The following RBM28 variants were observed in gnomAD, a reference collection of about 807,000 sequenced individuals.
RBM28 encodes RNA-binding protein 28.
Under a neutral mutation model 98.3 loss-of-function variants are expected in RBM28, and 78 were observed. That is an observed-to-expected ratio of 0.79 (90% confidence interval 0.66 to 0.96). The LOEUF is 0.96. RBM28 is among the 40% of genes least tolerant of loss of function. RBM28 has a pLI of 0.00. For synonymous variants in RBM28, 306 were observed against 330.9 expected (o/e 0.92, Z 0.82); for missense variants, 838 against 913.0 (o/e 0.92, Z 1.06).
intron 8 of RBM28, among the ~76,000 whole-genome samples, 176 bp downstream of exon 8, chr7:128,335,366 CA>C (rs1796573283): frequency 6.6e-6 from 1 of 152,078 alleles, no homozygotes; most frequent in African/African-American, 2.4e-5. Flanking sequence ...AAGGAAACAA[CA>C]AAAAAACCTT....
At position 128,300,736 on chromosome 7, in the gene RBM28, C is replaced by A. The variant is rs528246225; in HGVS notation, c.*10061G>T. 1 of 152,438 alleles carries A rather than the reference C, an allele frequency of 6.6e-6. No individual in the cohort carries two copies. Among genetic ancestry groups the A allele is most frequent in the South Asian group, 2.1e-4 (1 of 4,832 alleles). The allele number at this position is 152,438 out of a possible 1,614,324, so 9.4% of individuals were successfully genotyped here. A position where few individuals can be genotyped will look rare whatever the true frequency, so the allele number is the denominator to read the frequency against. ...CCATGCTGACTCCAATTGTTGGGTG[C>A]GGTTGCATGGATTGATGTCAAAAGC... is the stretch of plus-strand genomic sequence containing the variant. On this transcript the variant is annotated 3_prime_UTR_variant, in exon 19 of 19. Coordinates refer to ENST00000223073, the MANE Select transcript of RBM28 (RefSeq NM_018077.3).
chr7:128,322,632 C>T (rs1442006161), intron 13 of RBM28, among the ~76,000 whole-genome samples: 1 of 152,116 alleles, frequency 6.6e-6, no homozygotes, highest in South Asian at 2.1e-4. Context: ...GAGCTTTTTG[C>T]TAACAAAATT....
chr7:128,313,258 T>A lies in RBM28; in HGVS notation c.2062A>T (p.Lys688Ter). ...TTTTTGGGATGGACGGGCTTCACTT[T>A]GCCTTTGTCCCGCAACCTGAAATAA... is the stretch of plus-strand genomic sequence containing the variant. The part of the protein sequence containing the change: ...GPKIRLRDKG[K>*]VKPVHPKKPK... The change falls in exon 18 of 19, where the codon AAA becomes TAA. Residue 688 changes from lysine (K) to a stop codon, truncating the protein, a stop_gained. Coordinates refer to ENST00000223073, the MANE Select transcript of RBM28 (RefSeq NM_018077.3). LOFTEE classifies it high-confidence loss of function. 6.2e-7 allele frequency: 1 copy of A among 1,614,174 alleles called. No homozygotes were observed. Among genetic ancestry groups the A allele is most frequent in the South Asian group, 1.1e-5 (1 of 91,076 alleles).
intron 17 of RBM28, 103 bp downstream of exon 17, chr7:128,314,661 C>G: frequency 1.3e-6 from 2 of 1,568,198 alleles, no homozygotes; most frequent in South Asian, 1.1e-5. Flanking sequence ...CACCAAACAT[C>G]CTTTTCAACC....
rs1486408721 is a variant in RBM28 at position 128,307,517 on chromosome 7, C to T, written c.*3280G>A. 1 of 151,520 alleles carries T rather than the reference C, an allele frequency of 6.6e-6. No homozygotes were observed. Among genetic ancestry groups the T allele is most frequent in the Non-Finnish European group, 1.5e-5 (1 of 68,030 alleles). 9.4% of individuals were successfully genotyped at this position (151,520 alleles called of 1,614,324 possible). On this transcript the variant is annotated 3_prime_UTR_variant, in exon 19 of 19. Coordinates refer to ENST00000223073, the MANE Select transcript of RBM28 (RefSeq NM_018077.3). ...TATTTCGAAGAATGAATCACATGCCCTAACTTTATAATAGAGGAAGGCACA... is the reference window on the plus strand; with the variant it reads ...TATTTCGAAGAATGAATCACATGCCTTAACTTTATAATAGAGGAAGGCACA...
chr7:128,338,709 T>A lies in RBM28; in HGVS notation c.448+17A>T. 6.5e-7 allele frequency: 1 copy of A among 1,534,318 alleles called. No homozygotes were observed. The highest frequency in any genetic ancestry group is 9.0e-7 in the Non-Finnish European group (1 of 1,107,382). ...GTTAACTAACGTAATCCACACCAAG[T>A]GAAGGTTTATTAGTACCTGGTTTCC... On this transcript the variant is annotated intron_variant, in intron 4 of 18. Coordinates refer to ENST00000223073, the MANE Select transcript of RBM28 (RefSeq NM_018077.3).
chr7:128,324,131 T>C (rs2116348750), intron 12 of RBM28, among the ~76,000 whole-genome samples: 1 of 152,306 alleles, frequency 6.6e-6, no homozygotes, highest in Admixed American at 6.5e-5. Flanking sequence ...CCTAGAAGAA[T>C]TTTTTTAAAA....
Position 128,343,635 on chromosome 7 carries a change from G to C in RBM28, c.118+41C>G, listed in dbSNP as rs775631920. 3 of 1,462,028 alleles carry C rather than the reference G, an allele frequency of 2.1e-6. No individual in the cohort carries two copies. In the South Asian group the frequency reaches 3.7e-5, roughly 18 times the overall value. The allele number at this position is 1,462,028 out of a possible 1,614,324, so 90.6% of individuals were successfully genotyped here. On this transcript the variant is annotated intron_variant, in intron 1 of 18. Transcript: ENST00000223073. ...GAAGTTTGGGAAGGTGCCCTCGATCGCAGGAAACCCCAGCCCTATCCTCGA... is the reference window on the plus strand; with the variant it reads ...GAAGTTTGGGAAGGTGCCCTCGATCCCAGGAAACCCCAGCCCTATCCTCGA...
chr7:128,336,103 C>T, intron 6 of RBM28, 61 bp from the exon 7 acceptor site: 4 of 1,432,630 alleles, frequency 2.8e-6, no homozygotes, highest in African/African-American at 1.4e-5. Flanking sequence ...GTTATTTTAA[C>T]AAAAGTAACC....
Position 128,318,093 on chromosome 7 carries a change from C to T in RBM28, c.1577G>A (p.Arg526Gln). Residue 526 changes from arginine to glutamine, a missense_variant, in exon 15 of 19, where the codon CGA becomes CAA. Transcript: ENST00000223073. ...GVRIKECRVMRDLKGVHGNMK... is the reference protein window; with the variant it reads ...GVRIKECRVMQDLKGVHGNMK... ...GTTCCCATGAACTCCTTTGAGGTCT[C>T]GCATCACTCTACACTATGAGTAGAG... The T allele has an allele frequency of 2.5e-6, 4 of 1,612,516 alleles. No individual in the cohort carries two copies. Among genetic ancestry groups the T allele is most frequent in the Non-Finnish European group, 3.4e-6 (4 of 1,178,614 alleles).
intron 14 of RBM28, among the ~76,000 whole-genome samples, 158 bp downstream of exon 14, chr7:128,321,108 G>A (rs1318048303): frequency 6.6e-6 from 1 of 152,276 alleles, no homozygotes; most frequent in Admixed American, 6.5e-5. Flanking sequence ...GGAGGTTGCA[G>A]TGAGTCAAGA....
chr7:128,321,437 C>A lies in RBM28; in HGVS notation c.1405-13G>T. The A allele has an allele frequency of 6.2e-7, 1 of 1,613,970 alleles. No individual in the cohort carries two copies. Among genetic ancestry groups the A allele is most frequent in the Non-Finnish European group, 8.5e-7 (1 of 1,179,912 alleles). The stretch of plus-strand genomic sequence containing the variant: ...TCAGCAGCTCAAACTGAAAGAACAA[C>A]CAATGGTTAACAGTACAACCCACTC... On this transcript the variant is annotated splice_polypyrimidine_tract_variant and intron_variant, in intron 13 of 18. Transcript: ENST00000223073.
intron 16 of RBM28, 149 bp downstream of exon 16, chr7:128,317,510 C>G: frequency 1.5e-6 from 1 of 655,834 alleles, no homozygotes; most frequent in South Asian, 1.8e-5. Context: ...AGAAGATGGC[C>G]TGGAGAGGCT....
intron 1 of RBM28, among the ~76,000 whole-genome samples, chr7:128,341,437 C>T (rs1362492364): frequency 6.6e-6 from 1 of 152,204 alleles, no homozygotes; most frequent in African/African-American, 2.4e-5. Context: ...ATAAAGCATG[C>T]TCACATACAT....
chr7:128,309,730 G>A lies in RBM28; in HGVS notation c.*1067C>T, dbSNP rs1331721959. ...GAAAAGCCCTACTTTAGATAGTCTG[G>A]GAAGAGCTCCAGGAGGAGGCGACAA... On this transcript the variant is annotated 3_prime_UTR_variant, in exon 19 of 19. Coordinates refer to ENST00000223073, the MANE Select transcript of RBM28 (RefSeq NM_018077.3). 1 of 152,108 alleles carries A rather than the reference G, an allele frequency of 6.6e-6. No individual in the cohort carries two copies. Among genetic ancestry groups the A allele is most frequent in the Non-Finnish European group, 1.5e-5 (1 of 68,106 alleles). 9.4% of individuals were successfully genotyped at this position (152,108 alleles called of 1,614,324 possible). A position where few individuals can be genotyped will look rare whatever the true frequency, so the allele number is the denominator to read the frequency against.
At chr7:128,321,709 G>A (rs538002814) in intron 13 of RBM28, among the ~76,000 whole-genome samples, 5 of 152,056 alleles carry the variant, frequency 3.3e-5, no homozygotes, top group East Asian at 1.9e-4. Flanking sequence ...TCTATAAAAC[G>A]AAACAGTAGA....
At position 128,317,956 on chromosome 7, in the gene RBM28, C is replaced by G; in HGVS notation, c.1713+1G>C. On this transcript the variant is annotated splice_donor_variant, in intron 15 of 18. Transcript: ENST00000223073. LOFTEE classifies it high-confidence loss of function. ...AAGTCTCCCCAGAGGACAAGGCCTA[C>G]CTTCAGAGGCCCAAAGATTTCTGGA... 6.2e-7 allele frequency: 1 copy of G among 1,614,158 alleles called. No homozygotes were observed. The highest frequency in any genetic ancestry group is 8.5e-7 in the Non-Finnish European group (1 of 1,180,028).
intron 12 of RBM28, 124 bp from the exon 13 acceptor site, chr7:128,323,715 A>G: frequency 9.1e-7 from 1 of 1,093,062 alleles, no homozygotes; most frequent in Non-Finnish European, 1.4e-6. Context: ...TGGCCAGGAC[A>G]CGGTGGCATT....
At chr7:128,321,209 C>A in intron 14 of RBM28, 57 bp downstream of exon 14, 1 of 1,604,450 alleles carries the variant, frequency 6.2e-7, no homozygotes, top group South Asian at 1.1e-5. Context: ...GAGGGAAATG[C>A]TTGATCTGAC....
Sources: allele counts gnomAD v4.1 joint callset (sites outside exome capture counted in the v4.1 genomes callset), GRCh38; gene constraint gnomAD v4.1.1; transcripts MANE v1.5; gene names NCBI Gene and HGNC (gene_info 2026-07-23, HGNC 2026-07-21).